Variants in CPQ observed in about 807,000 individuals in gnomAD.
CPQ encodes the protein carboxypeptidase Q.
In CPQ, 37 loss-of-function variants were observed where a neutral mutation model predicts 45.7. The observed-to-expected ratio is 0.81, with a 90% CI of 0.62 to 1.07. CPQ has a LOEUF of 1.07. Ranked by LOEUF, CPQ falls within the 50% of genes least tolerant of loss-of-function variation. The pLI is 0.00. For synonymous variants in CPQ, 186 were observed against 205.8 expected, an observed-to-expected ratio of 0.90 and a Z score of 0.82; for missense variants, 537 against 572.9, an observed-to-expected ratio of 0.94 and a Z score of 0.64.
chr8:96,858,885 CAT>C (rs935188761), intron 3 of CPQ, among the ~76,000 whole-genome samples: 1 of 152,112 alleles, frequency 6.6e-6, no homozygotes, highest in Non-Finnish European at 1.5e-5. Context: ...CATGCACTGA[CAT>C]ATGTATATGT....
chr8:96,668,498 A>T (rs116317127), intron 1 of CPQ, among the ~76,000 whole-genome samples: 3,147 of 152,312 alleles, frequency 0.021, 120 homozygotes, highest in African/African-American at 0.072. Flanking sequence ...GGATTCAAAG[A>T]GACCATATTC....
At chr8:96,907,114 A>G (rs1812589632) in intron 4 of CPQ, among the ~76,000 whole-genome samples, 1 of 152,166 alleles carries the variant, frequency 6.6e-6, no homozygotes, top group African/African-American at 2.4e-5. Flanking sequence ...AATTAGGGTA[A>G]AGTATAGCTG....
chr8:96,767,915 A>G (rs1259609558), intron 1 of CPQ, among the ~76,000 whole-genome samples: 1 of 151,838 alleles, frequency 6.6e-6, no homozygotes, highest in Non-Finnish European at 1.5e-5. Flanking sequence ...AAGTCCTGGG[A>G]TTTCAGGTGT....
At chr8:96,801,931 T>C (rs1045384972) in intron 2 of CPQ, among the ~76,000 whole-genome samples, 1 of 152,230 alleles carries the variant, frequency 6.6e-6, no homozygotes, top group African/African-American at 2.4e-5. Flanking sequence ...TAATAGGTTA[T>C]AATAAGTATT....
chr8:96,930,523 G>A (rs1375725229), intron 4 of CPQ, among the ~76,000 whole-genome samples: 2 of 152,164 alleles, frequency 1.3e-5, no homozygotes, highest in African/African-American at 4.8e-5. Flanking sequence ...ATCTGGCAGT[G>A]AGGATGATTT....
chr8:96,741,034 G>A (rs1356793515), intron 1 of CPQ, among the ~76,000 whole-genome samples: 7 of 149,934 alleles, frequency 4.7e-5, no homozygotes, highest in Admixed American at 1.3e-4. Flanking sequence ...GATTGGAATA[G>A]TTTCAGAAGG....
intron 3 of CPQ, among the ~76,000 whole-genome samples, chr8:96,874,657 A>G (rs1304947316): frequency 6.6e-6 from 1 of 151,846 alleles, no homozygotes; most frequent in Non-Finnish European, 1.5e-5. Flanking sequence ...TCCATGTTGT[A>G]GCATGTACCA....
chr8:97,078,421 T>C (rs1035848506), intron 7 of CPQ, among the ~76,000 whole-genome samples: 1 of 152,316 alleles, frequency 6.6e-6, no homozygotes, highest in African/African-American at 2.4e-5. Context: ...AAACACTTTT[T>C]TTCTCCAACA....
intron 5 of CPQ, among the ~76,000 whole-genome samples, chr8:97,020,042 T>C (rs1381184041): frequency 1.3e-5 from 2 of 151,922 alleles, no homozygotes; most frequent in African/African-American, 2.4e-5. Context: ...CAGACCACAG[T>C]GGAATAAAAC....
chr8:96,846,382 G>A (rs960960241), intron 3 of CPQ, among the ~76,000 whole-genome samples: 11 of 152,004 alleles, frequency 7.2e-5, no homozygotes, highest in African/African-American at 2.4e-4. Flanking sequence ...ATACAGATCC[G>A]TAGTCAGATA....
chr8:96,830,471 G>A (rs914339355), intron 2 of CPQ, among the ~76,000 whole-genome samples: 6 of 152,018 alleles, frequency 3.9e-5, no homozygotes, highest in African/African-American at 1.2e-4. Context: ...TTACACACAG[G>A]TTAAGTGGCT....
intron 4 of CPQ, among the ~76,000 whole-genome samples, chr8:96,896,299 T>TTTTTA (rs1297371531): frequency 6.6e-6 from 1 of 152,164 alleles, no homozygotes; most frequent in African/African-American, 2.4e-5. Context: ...AGGCATGGCT[T>TTTTTA]CACACTTCCT....
At chr8:96,755,529 G>A (rs557467454) in intron 1 of CPQ, among the ~76,000 whole-genome samples, 1 of 151,954 alleles carries the variant, frequency 6.6e-6, no homozygotes, top group South Asian at 2.1e-4. Flanking sequence ...ATTAAAGAAT[G>A]TAGTCTATAA....
rs1397657892 is a variant in CPQ at position 96,887,218 on chromosome 8, A to C, written c.849+7213A>C. Among the ~76,000 whole-genome samples, 5 of 152,216 alleles carry C rather than the reference A, an allele frequency of 3.3e-5. No homozygotes were observed. In the East Asian group the frequency reaches 7.7e-4, roughly 23 times the overall value. On this transcript the variant is annotated intron_variant, in intron 4 of 7. Transcript: ENST00000220763. The stretch of plus-strand genomic sequence containing the variant: ...ACTAATCATATTATATTGTAAAATA[A>C]ATTTTTTAGAAATAATTTTAGACTC...
chr8:96,843,296 A>AT (rs1303003788), intron 3 of CPQ, among the ~76,000 whole-genome samples: 7 of 152,200 alleles, frequency 4.6e-5, no homozygotes, highest in African/African-American at 1.7e-4. Flanking sequence ...ATACAGTCTT[A>AT]TTAACTATTG....
At chr8:96,738,612 C>T (rs968459639) in intron 1 of CPQ, among the ~76,000 whole-genome samples, 1 of 152,068 alleles carries the variant, frequency 6.6e-6, no homozygotes, top group Non-Finnish European at 1.5e-5. Flanking sequence ...CCTCCCCACT[C>T]CCCCCAACCC....
chr8:97,093,535 C>A (rs938890968), intron 7 of CPQ, among the ~76,000 whole-genome samples: 1 of 152,068 alleles, frequency 6.6e-6, no homozygotes, highest in Non-Finnish European at 1.5e-5. Context: ...TGCATATATA[C>A]CCCCTAAACC....
chr8:96,977,984 T>G (rs549745651), intron 5 of CPQ, among the ~76,000 whole-genome samples: 1 of 152,084 alleles, frequency 6.6e-6, no homozygotes, highest in Non-Finnish European at 1.5e-5. Flanking sequence ...TAAAAAAAAA[T>G]TTTTTAAAAG....
At chr8:96,964,329 A>C (rs545201236) in intron 4 of CPQ, among the ~76,000 whole-genome samples, 1 of 152,084 alleles carries the variant, frequency 6.6e-6, no homozygotes, top group African/African-American at 2.4e-5. Flanking sequence ...TTACACTAGC[A>C]ATGTACAAGA....
Sources: gnomAD v4.1 joint callset for allele counts (sites outside exome capture counted in the v4.1 genomes callset) on GRCh38, gnomAD v4.1.1 for gene constraint, MANE v1.5 for transcripts, NCBI Gene and HGNC (gene_info 2026-07-23, HGNC 2026-07-21) for gene names.